The following NXPH1 variants were observed in gnomAD, a reference collection of about 807,000 sequenced individuals.
NXPH1 encodes neurexophilin-1.
In NXPH1, 5 loss-of-function variants were observed where a neutral mutation model predicts 23.7. The ratio of observed to expected loss-of-function variants is 0.21; its 90% CI spans 0.11 to 0.44. The LOEUF (loss-of-function observed/expected upper bound fraction) is 0.44, where lower values mean the gene tolerates loss of function less well. Ranked by LOEUF, NXPH1 falls within the 20% of genes least tolerant of loss-of-function variation. The pLI is 0.99. For synonymous variants in NXPH1, 144 were observed against 122.2 expected, an observed-to-expected ratio of 1.18 and a Z score of -1.18; for missense variants, 324 against 321.6, an observed-to-expected ratio of 1.01 and a Z score of -0.06.
At chr7:8,606,501 C>G (rs1238053201) in intron 2 of NXPH1, among the ~76,000 whole-genome samples, 1 of 152,126 alleles carries the variant, frequency 6.6e-6, no homozygotes, top group African/African-American at 2.4e-5. Context: ...TAAAAACTGT[C>G]TCTTTCCTCT....
intron 2 of NXPH1, among the ~76,000 whole-genome samples, chr7:8,728,562 T>A (rs1424483674): frequency 1.3e-5 from 2 of 152,280 alleles, no homozygotes; most frequent in East Asian, 3.9e-4. Flanking sequence ...TTGTTGAATT[T>A]TGTCAAAGGC....
intron 2 of NXPH1, among the ~76,000 whole-genome samples, chr7:8,698,079 G>T (rs1307133435): frequency 6.6e-6 from 1 of 152,192 alleles, no homozygotes; most frequent in East Asian, 1.9e-4. Context: ...AAAGGACAGT[G>T]CAGAGAGCAA....
intron 2 of NXPH1, among the ~76,000 whole-genome samples, chr7:8,445,840 T>A (rs1037476617): frequency 2.0e-5 from 3 of 152,238 alleles, no homozygotes; most frequent in African/African-American, 7.2e-5. Context: ...TACCTGACAT[T>A]GCACTGTTGT....
chr7:8,669,629 G>T (rs1820835145), intron 2 of NXPH1, among the ~76,000 whole-genome samples: 2 of 152,258 alleles, frequency 1.3e-5, no homozygotes, highest in East Asian at 1.9e-4. Context: ...CTGAGGTTCA[G>T]TCTGAGGTCT....
chr7:8,600,761 C>A (rs1227195937), intron 2 of NXPH1, among the ~76,000 whole-genome samples: 1 of 152,104 alleles, frequency 6.6e-6, no homozygotes, highest in Admixed American at 6.6e-5. Context: ...AAATGAACCA[C>A]TTTGTTTTCA....
At chr7:8,577,671 C>G (rs1172985554) in intron 2 of NXPH1, among the ~76,000 whole-genome samples, 2 of 152,174 alleles carry the variant, frequency 1.3e-5, no homozygotes, top group African/African-American at 4.8e-5. Context: ...GCTTCCAGTG[C>G]TCCTTACCGC....
rs547070233 is a variant in NXPH1 at position 8,534,470 on chromosome 7, A to G, written c.54+98703A>G. On this transcript the variant is annotated intron_variant, in intron 2 of 2. Coordinates refer to ENST00000405863, the MANE Select transcript of NXPH1 (RefSeq NM_152745.3). ...AATAATCTCCCAGCCACGCTGATGC[A>G]TTAAGCTACTTTATAATAAGAGTTG... is the stretch of plus-strand genomic sequence containing the variant. 5.3e-5 allele frequency among the ~76,000 whole-genome samples: 8 copies of G among 152,278 alleles called. 1 individual carries two copies. The highest frequency in any genetic ancestry group is 4.6e-4 in the Admixed American group (7 of 15,282).
At chr7:8,672,473 TAAA>T in intron 2 of NXPH1, among the ~76,000 whole-genome samples, 1 of 147,438 alleles carries the variant, frequency 6.8e-6, no homozygotes, top group Non-Finnish European at 1.5e-5. Context: ...AGTATAATAA[TAAA>T]AAAAGATTAA....
intron 2 of NXPH1, among the ~76,000 whole-genome samples, chr7:8,480,306 C>G (rs1287432236): frequency 6.6e-6 from 1 of 152,060 alleles, no homozygotes; most frequent in Non-Finnish European, 1.5e-5. Context: ...TTTTTATTTT[C>G]TCTCCTGGAT....
At chr7:8,668,937 A>G (rs1820824156) in intron 2 of NXPH1, among the ~76,000 whole-genome samples, 1 of 150,720 alleles carries the variant, frequency 6.6e-6, no homozygotes. Context: ...CAACTGGAGC[A>G]TGGGTCCATG....
intron 2 of NXPH1, among the ~76,000 whole-genome samples, chr7:8,529,221 A>G (rs1173565433): frequency 6.6e-6 from 1 of 152,252 alleles, no homozygotes; most frequent in East Asian, 1.9e-4. Flanking sequence ...GTTCACCCAA[A>G]TAATCTACAG....
intron 2 of NXPH1, among the ~76,000 whole-genome samples, chr7:8,669,456 G>A (rs1820832102): frequency 6.6e-6 from 1 of 152,112 alleles, no homozygotes; most frequent in African/African-American, 2.4e-5. Flanking sequence ...TTGGGGGACA[G>A]TATGAAGCCT....
intron 2 of NXPH1, among the ~76,000 whole-genome samples, chr7:8,664,125 C>CCACT (rs369103145): frequency 8.1e-4 from 123 of 152,058 alleles, no homozygotes; most frequent in African/African-American, 2.7e-3. Context: ...TTGGGTATTT[C>CCACT]CACTCATTTT....
At chr7:8,648,141 ATTT>A (rs566496307) in intron 2 of NXPH1, among the ~76,000 whole-genome samples, 2,082 of 152,302 alleles carry the variant, frequency 0.014, 36 homozygotes, top group Non-Finnish European at 0.012. Context: ...CCCCTCAAGC[ATTT>A]ATCCTTTGAG....
chr7:8,441,630 T>G (rs1359836605), intron 2 of NXPH1, among the ~76,000 whole-genome samples: 1 of 152,178 alleles, frequency 6.6e-6, no homozygotes, highest in Non-Finnish European at 1.5e-5. Context: ...CAGCTCGAGA[T>G]GAGGAAATGC....
intron 2 of NXPH1, among the ~76,000 whole-genome samples, chr7:8,697,536 G>T (rs775886941): frequency 3.3e-5 from 5 of 152,100 alleles, no homozygotes; most frequent in Non-Finnish European, 5.9e-5. Context: ...AAGGAGAAGA[G>T]TATTGTCAGA....
At chr7:8,746,426 C>A (rs148738109) in intron 2 of NXPH1, among the ~76,000 whole-genome samples, 27 of 152,150 alleles carry the variant, frequency 1.8e-4, no homozygotes, top group African/African-American at 6.5e-4. Flanking sequence ...AAGCCTTTCC[C>A]ATTATATCAC....
chr7:8,621,327 G>T lies in NXPH1; in HGVS notation c.55-129681G>T, dbSNP rs559140957. 8.7e-4 allele frequency among the ~76,000 whole-genome samples: 132 copies of T among 152,238 alleles called. 1 individual carries two copies. The highest frequency in any genetic ancestry group is 3.0e-3 in the African/African-American group (126 of 41,554). On this transcript the variant is annotated intron_variant, in intron 2 of 2. Transcript: ENST00000405863. ...ACAAAGACTCAGACAGGAAAGAATGGTGTTTGAGGAAGGTAGTGACTCAAC... is the reference window on the plus strand; with the variant it reads ...ACAAAGACTCAGACAGGAAAGAATGTTGTTTGAGGAAGGTAGTGACTCAAC...
intron 2 of NXPH1, among the ~76,000 whole-genome samples, chr7:8,466,595 A>C (rs1816789906): frequency 6.6e-6 from 1 of 152,128 alleles, no homozygotes; most frequent in Admixed American, 6.5e-5. Flanking sequence ...GGACATTGTA[A>C]ATTAACGTAT....
Sources: allele counts gnomAD v4.1 joint callset (sites outside exome capture counted in the v4.1 genomes callset), GRCh38; gene constraint gnomAD v4.1.1; transcripts MANE v1.5; gene names NCBI Gene and HGNC (gene_info 2026-07-23, HGNC 2026-07-21).